Variants in TAFA2 observed in about 807,000 individuals in gnomAD.
TAFA2 encodes chemokine-like protein TAFA-2.
In TAFA2, 7 loss-of-function variants were observed where a neutral mutation model predicts 18.8. That is an observed-to-expected ratio of 0.37 (90% CI 0.21 to 0.70). The LOEUF (loss-of-function observed/expected upper bound fraction) is 0.70. Ranked by LOEUF, TAFA2 falls within the 30% of genes least tolerant of loss-of-function variation. The probability of loss-of-function intolerance (pLI) is 0.53; values close to 1 mark genes in which losing one functional copy is unlikely to be tolerated. For missense variants in TAFA2, 122 were observed against 158.1 expected (o/e 0.77, Z 1.23); for synonymous variants, 60 against 54.2 (o/e 1.11, Z -0.47).
At chr12:61,753,432 G>A (rs1869112378) in intron 4 of TAFA2, among the ~76,000 whole-genome samples, 190 bp downstream of exon 4, 1 of 151,958 alleles carries the variant, frequency 6.6e-6, no homozygotes, top group Non-Finnish European at 1.5e-5. Context: ...GGTACTCTAT[G>A]GAAGATGTTG....
chr12:61,735,008 G>A (rs969599725), intron 4 of TAFA2, among the ~76,000 whole-genome samples: 5 of 152,000 alleles, frequency 3.3e-5, no homozygotes, highest in African/African-American at 1.2e-4. Flanking sequence ...AAATGAGCTA[G>A]TATGTATAAA....
At chr12:62,182,730 C>A (rs1265286958) in intron 1 of TAFA2, among the ~76,000 whole-genome samples, 1 of 152,166 alleles carries the variant, frequency 6.6e-6, no homozygotes, top group Non-Finnish European at 1.5e-5. Flanking sequence ...TGAGGACAGA[C>A]CTTGTGAGCT....
At chr12:61,983,844 C>T (rs369538230) in intron 1 of TAFA2, among the ~76,000 whole-genome samples, 101 of 152,250 alleles carry the variant, frequency 6.6e-4, no homozygotes, top group African/African-American at 2.3e-3. Context: ...TTCAGGTTTA[C>T]TCATTGTCCT....
chr12:61,775,312 C>T lies in TAFA2; in HGVS notation c.107-20288G>A, dbSNP rs114823809. 1.7e-3 allele frequency among the ~76,000 whole-genome samples: 253 copies of T among 151,888 alleles called. 2 individuals carry two copies. The highest frequency in any genetic ancestry group is 5.7e-3 in the African/African-American group (238 of 41,494). On this transcript the variant is annotated intron_variant, in intron 2 of 4. Transcript: ENST00000416284. ...CAGCAATAGTGCTCTTTGGTACTTA[C>T]CCAAAGGGGTTGAAAACTTATATTG...
chr12:62,165,919 C>A, intron 1 of TAFA2, among the ~76,000 whole-genome samples: 1 of 138,918 alleles, frequency 7.2e-6, no homozygotes, highest in Non-Finnish European at 1.6e-5. Flanking sequence ...TCTCTCTCTT[C>A]CTCTCTCTCT....
intron 1 of TAFA2, among the ~76,000 whole-genome samples, chr12:61,895,486 G>T (rs937578247): frequency 6.6e-6 from 1 of 152,054 alleles, no homozygotes; most frequent in African/African-American, 2.4e-5. Context: ...GGCTCTTATG[G>T]CTAAGTTTAA....
intron 3 of TAFA2, 111 bp downstream of exon 3, chr12:61,754,761 T>C (rs1869182957): frequency 2.9e-6 from 3 of 1,033,528 alleles, no homozygotes; most frequent in Admixed American, 5.2e-5. Flanking sequence ...ATCATGGTAT[T>C]TGTAGTATGT....
chr12:61,969,451 C>T (rs1321054024), intron 1 of TAFA2, among the ~76,000 whole-genome samples: 2 of 151,594 alleles, frequency 1.3e-5, no homozygotes, highest in African/African-American at 4.8e-5. Context: ...AAATATTAGA[C>T]TATTTTTAAA....
At chr12:62,124,518 T>C (rs916377913) in intron 1 of TAFA2, among the ~76,000 whole-genome samples, 8 of 152,160 alleles carry the variant, frequency 5.3e-5, no homozygotes, top group African/African-American at 1.4e-4. Context: ...ATAGTAAATA[T>C]TGATTGCTGT....
At chr12:62,110,713 T>G (rs940288902) in intron 1 of TAFA2, among the ~76,000 whole-genome samples, 7 of 151,678 alleles carry the variant, frequency 4.6e-5, no homozygotes, top group African/African-American at 1.7e-4. Context: ...CCTGGTTTAG[T>G]CTTGGGAGGG....
intron 1 of TAFA2, among the ~76,000 whole-genome samples, chr12:61,939,701 C>A (rs936847320): frequency 2.0e-5 from 3 of 152,156 alleles, no homozygotes; most frequent in African/African-American, 7.2e-5. Flanking sequence ...AGAGCATTTT[C>A]AAATGAAAGA....
At chr12:61,809,096 G>T (rs1250573928) in intron 2 of TAFA2, among the ~76,000 whole-genome samples, 3 of 151,524 alleles carry the variant, frequency 2.0e-5, no homozygotes, top group African/African-American at 7.4e-5. Flanking sequence ...TAGCTTGAAA[G>T]TGTGTGTGCG....
At chr12:62,051,523 G>A (rs1471427698) in intron 1 of TAFA2, among the ~76,000 whole-genome samples, 1 of 151,946 alleles carries the variant, frequency 6.6e-6, no homozygotes, top group Non-Finnish European at 1.5e-5. Flanking sequence ...AGTAAGAATA[G>A]GAGCAGCAAG....
chr12:61,753,853 A>G, intron 3 of TAFA2, 107 bp from the exon 4 acceptor site: 1 of 908,120 alleles, frequency 1.1e-6, no homozygotes, highest in Middle Eastern at 2.6e-4. Context: ...ACCAGTGGGA[A>G]TACAGGTATT....
chr12:62,252,159 T>G (rs1022870453), intron 1 of TAFA2: 2 of 152,268 alleles, frequency 1.3e-5, no homozygotes, highest in African/African-American at 4.8e-5. Context: ...CAGTCACTCA[T>G]CCTTGAGAGT....
chr12:61,929,775 C>A (rs61940968), intron 1 of TAFA2, among the ~76,000 whole-genome samples: 14 of 151,940 alleles, frequency 9.2e-5, no homozygotes, highest in Non-Finnish European at 1.5e-4. Context: ...ACAATGATAG[C>A]CTGGATTAAG....
At chr12:61,876,303 A>T (rs1276727682) in intron 1 of TAFA2, among the ~76,000 whole-genome samples, 1 of 152,184 alleles carries the variant, frequency 6.6e-6, no homozygotes, top group Non-Finnish European at 1.5e-5. Flanking sequence ...TTTCTCCTGC[A>T]TGCTGGCAAA....
In TAFA2 at chr12:61,738,329, A is replaced by ACACACACACACC. The variant is rs1555198029; in HGVS notation, c.384+15292_384+15293insGGTGTGTGTGTG. On this transcript the variant is annotated intron_variant, in intron 4 of 4. Coordinates refer to ENST00000416284, the MANE Select transcript of TAFA2 (RefSeq NM_178539.5). ...CACACACACACACACACACACACACAAACCTAGCTCATAAACCCAGGCTAA... is the reference window on the plus strand; with the variant it reads ...CACACACACACACACACACACACACACACACACACACCAACCTAGCTCATAAACCCAGGCTAA... Among the ~76,000 whole-genome samples, 264 of 146,840 alleles carry ACACACACACACC rather than the reference A, an allele frequency of 1.8e-3. 3 individuals carry two copies. The highest frequency in any genetic ancestry group is 0.017 in the East Asian group (87 of 5,078).
chr12:61,945,015 T>C (rs1878206689), intron 1 of TAFA2, among the ~76,000 whole-genome samples: 2 of 150,872 alleles, frequency 1.3e-5, no homozygotes, highest in Admixed American at 1.3e-4. Context: ...AAGAGAATTT[T>C]AGACCAATAT....
Sources: allele counts gnomAD v4.1 joint callset (sites outside exome capture counted in the v4.1 genomes callset), GRCh38; gene constraint gnomAD v4.1.1; transcripts MANE v1.5; gene names NCBI Gene and HGNC (gene_info 2026-07-23, HGNC 2026-07-21).